The following PKDREJ variants were observed in gnomAD, a reference collection of about 807,000 sequenced individuals.
PKDREJ encodes the protein polycystin family receptor for egg jelly, also known as PKD and REJ homolog.
For missense variants in PKDREJ, 2,507 were observed against 2,807.2 expected, an observed-to-expected ratio of 0.89 and a Z score of 2.42; for synonymous variants, 1,031 against 1,095.5, an observed-to-expected ratio of 0.94 and a Z score of 1.16.
chr22:46,262,761 G>A lies in PKDREJ; in HGVS notation c.562C>T (p.Pro188Ser). 1 of 1,586,494 alleles carries A rather than the reference G, an allele frequency of 6.3e-7. No individual in the cohort carries two copies. Among genetic ancestry groups the A allele is most frequent in the Non-Finnish European group, 8.6e-7 (1 of 1,166,882 alleles). Residue 188 changes from proline to serine, a missense_variant, in exon 1 of 1, where the codon CCC (proline) becomes TCC (serine). By Grantham distance (74) the Pro-to-Ser change is moderately conservative. Coordinates refer to ENST00000253255, the MANE Select transcript of PKDREJ (RefSeq NM_006071.2). The surrounding 1 kb of genome is among the most constrained non-coding windows in gnomAD (Gnocchi z 8.1). ...ACGGCCTGCAACATCACGCGCGCGG[G>A]GCCGTCTGTGGGGCACTCGGTGCGG... ...VARTECPTDG[P>S]ARVMLQAVNS...
Position 46,260,560 on chromosome 22 carries a change from C to G in PKDREJ, c.2763G>C (p.Gln921His). ...TNDLFPWLNDQENTSVEVSGF... is the reference protein window; with the variant it reads ...TNDLFPWLNDHENTSVEVSGF... ...CAGACACCTCCACCGAAGTGTTTTC[C>G]TGATCATTTAACCAAGGAAAGAGGT... is the stretch of plus-strand genomic sequence containing the variant. Residue 921 changes from glutamine to histidine, a missense_variant, in exon 1 of 1, where the codon CAG (glutamine) becomes CAC (histidine). Transcript: ENST00000253255. The surrounding 1 kb of genome is among the most constrained non-coding windows in gnomAD (Gnocchi z 4.5). The G allele has an allele frequency of 6.2e-7, 1 of 1,614,168 alleles. No individual in the cohort carries two copies. Among genetic ancestry groups the G allele is most frequent in the South Asian group, 1.1e-5 (1 of 91,092 alleles).
At position 46,257,732 on chromosome 22, in the gene PKDREJ, T is replaced by C. The variant is rs369372928; in HGVS notation, c.5591A>G (p.Gln1864Arg). The change falls in exon 1 of 1, where the codon CAA (glutamine) becomes CGA (arginine). Residue 1864 changes from glutamine (Q) to arginine (R), a missense_variant. By Grantham distance (43) the Gln-to-Arg change is conservative (BLOSUM62 1). Coordinates refer to ENST00000253255, the MANE Select transcript of PKDREJ (RefSeq NM_006071.2). This position sits in a 1 kb window ranked among gnomAD's most constrained non-coding sequence, Gnocchi z 4.7. ...TAGTCCATAGGAATAATATAGCCAT[T>C]GCGTTCCTTGAGGCTTATAAGTAAA... ...NGFTYKPQGT[Q>R]WLYYSYGLLH... 3.9e-5 allele frequency: 63 copies of C among 1,614,044 alleles called. No homozygotes were observed. The highest frequency in any genetic ancestry group is 4.7e-5 in the Non-Finnish European group (56 of 1,180,000).
Position 46,259,756 on chromosome 22 carries a change from A to C in PKDREJ, c.3567T>G (p.Thr1189=), listed in dbSNP as rs150072664. 2 of 1,614,220 alleles carry C rather than the reference A, an allele frequency of 1.2e-6. No individual in the cohort carries two copies. The highest frequency in any genetic ancestry group is 3.3e-5 in the Admixed American group (2 of 60,030). The stretch of plus-strand genomic sequence containing the variant: ...CGTATAAGAGAATAATGAAAAGCAC[A>C]GTGAAGAGGGTCACGGGGTTTTGGT... ...SLHQNPVTLF[T]VLFIILLYVG... Residue 1189 remains threonine, a synonymous_variant, in exon 1 of 1, where the codon ACT becomes ACG. Transcript: ENST00000253255. The surrounding 1 kb of genome is among the most constrained non-coding windows in gnomAD (Gnocchi z 6.8).
Position 46,261,485 on chromosome 22 carries a change from T to A in PKDREJ, c.1838A>T (p.Lys613Ile). 1 of 1,614,126 alleles carries A rather than the reference T, an allele frequency of 6.2e-7. No homozygotes were observed. The highest frequency in any genetic ancestry group is 8.5e-7 in the Non-Finnish European group (1 of 1,180,010). The change falls in exon 1 of 1, where the codon AAA becomes ATA. Residue 613 changes from lysine to isoleucine, a missense_variant. Physicochemically the swap from Lys to Ile is moderately radical, Grantham distance 102. Transcript: ENST00000253255. This position sits in a 1 kb window ranked among gnomAD's most constrained non-coding sequence, Gnocchi z 7.1. Reference sequence around the variant, plus strand: ...CAGGATGGTCCCCAGGGTGTTCTCTTTTACTGAACTGATTTCACCAACACT... The same window carrying A: ...CAGGATGGTCCCCAGGGTGTTCTCTATTACTGAACTGATTTCACCAACACT... ...LHSVGEISSV[K>I]ENTLGTILYL...
chr22:46,256,646 C>G lies in PKDREJ; in HGVS notation c.6677G>C (p.Gly2226Ala). 2 of 1,614,186 alleles carry G rather than the reference C, an allele frequency of 1.2e-6. No homozygotes were observed. The highest frequency in any genetic ancestry group is 1.7e-6 in the Non-Finnish European group (2 of 1,180,032). ...EPEFFIDMLY[G>A]QPEKNSHRYL... ...ACGGTGGCTGTTCTTCTCTGGCTGC[C>G]CATACAGCATGTCAATAAAGAACTC... Residue 2226 changes from glycine (G) to alanine (A), a missense_variant, in exon 1 of 1, where the codon GGG becomes GCG. By Grantham distance (60) the Gly-to-Ala change is moderately conservative. Transcript: ENST00000253255. The surrounding 1 kb of genome is among the most constrained non-coding windows in gnomAD (Gnocchi z 5.3).
At position 46,258,164 on chromosome 22, in the gene PKDREJ, A is replaced by G; in HGVS notation, c.5159T>C (p.Phe1720Ser). The change falls in exon 1 of 1, where the codon TTT (phenylalanine) becomes TCT (serine). Residue 1720 changes from phenylalanine (F) to serine (S), a missense_variant. By Grantham distance (155) the Phe-to-Ser change is radical (BLOSUM62 -2). Transcript: ENST00000253255. The surrounding 1 kb of genome is among the most constrained non-coding windows in gnomAD (Gnocchi z 6.1). Reference sequence around the variant, plus strand: ...GATAAGGATCAACAGAAGGGCTAGAAAGATAAAGTGAGTTAGAATGTAACT... The same window carrying G: ...GATAAGGATCAACAGAAGGGCTAGAGAGATAAAGTGAGTTAGAATGTAACT... ...FLSYILTHFI[F>S]LALLLILIVL... 1 of 1,614,182 alleles carries G rather than the reference A, an allele frequency of 6.2e-7. No homozygotes were observed. The highest frequency in any genetic ancestry group is 8.5e-7 in the Non-Finnish European group (1 of 1,179,998).
chr22:46,263,330 G>A lies in PKDREJ; in HGVS notation c.-8C>T. The A allele has an allele frequency of 1.4e-6, 2 of 1,387,714 alleles. No individual in the cohort carries two copies. The highest frequency in any genetic ancestry group is 9.3e-7 in the Non-Finnish European group (1 of 1,078,418). The allele number at this position is 1,387,714 out of a possible 1,614,324, so 86.0% of individuals were successfully genotyped here. On this transcript the variant is annotated 5_prime_UTR_variant, in exon 1 of 1. Coordinates refer to ENST00000253255, the MANE Select transcript of PKDREJ (RefSeq NM_006071.2). This position sits in a 1 kb window ranked among gnomAD's most constrained non-coding sequence, Gnocchi z 9.4. ...AGCGGGCCCAGGCCTCATGGCGCCG[G>A]CCCAGGAGAAGCTGGGAGAGGCCGC...
At position 46,261,419 on chromosome 22, in the gene PKDREJ, G is replaced by A; in HGVS notation, c.1904C>T (p.Pro635Leu). 2 of 1,614,110 alleles carry A rather than the reference G, an allele frequency of 1.2e-6. No homozygotes were observed. The highest frequency in any genetic ancestry group is 1.7e-6 in the Non-Finnish European group (2 of 1,180,024). ...PQSTVPPSFL[P>L]VGMLASQYGL... ...ATATTGACTAGCCAACATACCAACA[G>A]GGAGAAAGGAAGGGGGTACTGTGGA... Residue 635 changes from proline (P) to leucine (L), a missense_variant, in exon 1 of 1, where the codon CCT becomes CTT. Physicochemically the swap from Pro to Leu is moderately conservative, Grantham distance 98. Transcript: ENST00000253255. This position sits in a 1 kb window ranked among gnomAD's most constrained non-coding sequence, Gnocchi z 7.1.
chr22:46,262,155 G>C lies in PKDREJ; in HGVS notation c.1168C>G (p.Arg390Gly), dbSNP rs745758322. The C allele has an allele frequency of 6.2e-7, 1 of 1,614,192 alleles. No homozygotes were observed. Among genetic ancestry groups the C allele is most frequent in the South Asian group, 1.1e-5 (1 of 91,080 alleles). The change falls in exon 1 of 1, where the codon CGA (arginine) becomes GGA (glycine). Residue 390 changes from arginine to glycine, a missense_variant. Physicochemically the swap from Arg to Gly is moderately radical, Grantham distance 125. Coordinates refer to ENST00000253255, the MANE Select transcript of PKDREJ (RefSeq NM_006071.2). The surrounding 1 kb of genome is among the most constrained non-coding windows in gnomAD (Gnocchi z 8.1). ...ACTTCCTTGCTCCCCAGGATTATTC[G>C]ATCCCCACCGTAGTTTCTGGGATCT... ...TTDPRNYGGDRIILGSKEVCH... is the reference protein window; with the variant it reads ...TTDPRNYGGDGIILGSKEVCH...
Position 46,260,731 on chromosome 22 carries a change from C to T in PKDREJ, c.2592G>A (p.Lys864=). The T allele has an allele frequency of 6.2e-7, 1 of 1,614,178 alleles. No individual in the cohort carries two copies. Among genetic ancestry groups the T allele is most frequent in the Non-Finnish European group, 8.5e-7 (1 of 1,180,018 alleles). Residue 864 remains lysine (K), a synonymous_variant, in exon 1 of 1, where the codon AAG becomes AAA. Transcript: ENST00000253255. This position sits in a 1 kb window ranked among gnomAD's most constrained non-coding sequence, Gnocchi z 4.5. ...GGTTGATACCCCACTTTTCAACTTT[C>T]TTGACATACATGTTGAAATTGGGGG... ...MRTPNFNMYV[K]KVEKWGINQL... is the part of the protein sequence containing the mutation.
rs1259910330 is a variant in PKDREJ, at chr22:46,257,681, T to C, written c.5642A>G (p.Tyr1881Cys). 9 of 1,614,084 alleles carry C rather than the reference T, an allele frequency of 5.6e-6. No individual in the cohort carries two copies. In the Admixed American group the frequency reaches 1.5e-4, roughly 27 times the overall value. Reference protein sequence around the residue: ...GLLHTYGSGGYALYFFPEQQR... With the variant: ...GLLHTYGSGGCALYFFPEQQR... ...CTGTTCTGGAAAAAAATAGAGTGCA[T>C]ATCCTCCAGATCCATAGGTGTGTAG... The change falls in exon 1 of 1, where the codon TAT becomes TGT. Residue 1881 changes from tyrosine (Y) to cysteine (C), a missense_variant. Coordinates refer to ENST00000253255, the MANE Select transcript of PKDREJ (RefSeq NM_006071.2). The surrounding 1 kb of genome is among the most constrained non-coding windows in gnomAD (Gnocchi z 4.7).
chr22:46,259,406 G>C lies in PKDREJ; in HGVS notation c.3917C>G (p.Ser1306Trp), dbSNP rs137942807. 6 of 1,614,048 alleles carry C rather than the reference G, an allele frequency of 3.7e-6. No homozygotes were observed. The highest frequency in any genetic ancestry group is 5.1e-6 in the Non-Finnish European group (6 of 1,180,040). The change falls in exon 1 of 1, where the codon TCG (serine) becomes TGG (tryptophan). Residue 1306 changes from serine to tryptophan, a missense_variant. Transcript: ENST00000253255. The surrounding 1 kb of genome is among the most constrained non-coding windows in gnomAD (Gnocchi z 6.8). ...IRVWHNNEGR[S>W]PSWYLSRIKV... ...GATTCTACTTAAATACCAGCTAGGC[G>C]ATCGACCCTCGTTGTTGTGCCACAC...
chr22:46,256,290 G>A lies in PKDREJ; in HGVS notation c.*271C>T. 2.2e-6 allele frequency: 1 copy of A among 452,148 alleles called. No homozygotes were observed. The highest frequency in any genetic ancestry group is 3.9e-6 in the Non-Finnish European group (1 of 257,508). 28.0% of individuals were successfully genotyped at this position (452,148 alleles called of 1,614,324 possible). A position where few individuals can be genotyped will look rare whatever the true frequency, so the allele number is the denominator to read the frequency against. On this transcript the variant is annotated 3_prime_UTR_variant, in exon 1 of 1. Transcript: ENST00000253255. The surrounding 1 kb of genome is among the most constrained non-coding windows in gnomAD (Gnocchi z 5.3). The stretch of plus-strand genomic sequence containing the variant: ...AAGAAACAGGGTTGCCCTTGTACGG[G>A]GAGTCACATAACTCCCCTCTAAAGG...
rs1468741183 is a variant in PKDREJ, at chr22:46,259,310, G to T, written c.4013C>A (p.Thr1338Asn). The T allele has an allele frequency of 1.2e-6, 2 of 1,614,092 alleles. No individual in the cohort carries two copies. Among genetic ancestry groups the T allele is most frequent in the Non-Finnish European group, 1.7e-6 (2 of 1,180,048 alleles). Reference sequence around the variant, plus strand: ...GGTAACGTGAAATGTTCTGTCCAAAGTGGTATCAACAGAAAGCCATTTCTG... The same window carrying T: ...GGTAACGTGAAATGTTCTGTCCAAATTGGTATCAACAGAAAGCCATTTCTG... ...ICQKWLSVDT[T>N]LDRTFHVTHP... Residue 1338 changes from threonine (T) to asparagine (N), a missense_variant, in exon 1 of 1, where the codon ACT becomes AAT. Coordinates refer to ENST00000253255, the MANE Select transcript of PKDREJ (RefSeq NM_006071.2). This position sits in a 1 kb window ranked among gnomAD's most constrained non-coding sequence, Gnocchi z 6.8.
At position 46,256,670 on chromosome 22, in the gene PKDREJ, T is replaced by C. The variant is rs759617500; in HGVS notation, c.6653A>G (p.Glu2218Gly). Residue 2218 changes from glutamate to glycine, a missense_variant, in exon 1 of 1, where the codon GAG becomes GGG. Transcript: ENST00000253255. The surrounding 1 kb of genome is among the most constrained non-coding windows in gnomAD (Gnocchi z 5.3). ...TSQSKAKDEP[E>G]FFIDMLYGQP... ...CCCATACAGCATGTCAATAAAGAAC[T>C]CAGGCTCATCTTTGGCCTTAGATTG... is the stretch of plus-strand genomic sequence containing the variant. 1 of 1,614,242 alleles carries C rather than the reference T, an allele frequency of 6.2e-7. No individual in the cohort carries two copies. Among genetic ancestry groups the C allele is most frequent in the Non-Finnish European group, 8.5e-7 (1 of 1,180,048 alleles).
Position 46,260,662 on chromosome 22 carries a change from T to A in PKDREJ, c.2661A>T (p.Pro887=). The part of the protein sequence containing the change: ...NEKHCRNCFY[P]TLNVSSVPGL... The stretch of plus-strand genomic sequence containing the variant: ...CAGGAACACTGCTCACATTGAGTGT[T>A]GGATAAAAACAATTTCTGCAGTGTT... The change falls in exon 1 of 1, where the codon CCA becomes CCT. Residue 887 remains proline (P), a synonymous_variant. Coordinates refer to ENST00000253255, the MANE Select transcript of PKDREJ (RefSeq NM_006071.2). This position sits in a 1 kb window ranked among gnomAD's most constrained non-coding sequence, Gnocchi z 4.5. The A allele has an allele frequency of 2.5e-6, 4 of 1,614,206 alleles. No homozygotes were observed. Among genetic ancestry groups the A allele is most frequent in the Non-Finnish European group, 3.4e-6 (4 of 1,180,018 alleles).
In PKDREJ at chr22:46,263,279, C is replaced by G. The variant is rs1169600593; in HGVS notation, c.44G>C (p.Ser15Thr). ...CAGCGGGAGGCGGCCGACGCTCAGG[C>G]TCAGGCCCACGCCCAGAAGGAGGAG... Reference protein sequence around the residue: ...PALLLLGVGLSLSVGRLPLPP... With the variant: ...PALLLLGVGLTLSVGRLPLPP... The change falls in exon 1 of 1, where the codon AGC (serine) becomes ACC (threonine). Residue 15 changes from serine to threonine, a missense_variant. Transcript: ENST00000253255. This position sits in a 1 kb window ranked among gnomAD's most constrained non-coding sequence, Gnocchi z 9.4. The G allele has an allele frequency of 6.8e-7, 1 of 1,468,430 alleles. No homozygotes were observed. Among genetic ancestry groups the G allele is most frequent in the Admixed American group, 2.5e-5 (1 of 40,346 alleles). 91.0% of individuals were successfully genotyped at this position (1,468,430 alleles called of 1,614,324 possible). A position where few individuals can be genotyped will look rare whatever the true frequency, so the allele number is the denominator to read the frequency against.
chr22:46,256,205 C>A lies in PKDREJ; in HGVS notation c.*356G>T. On this transcript the variant is annotated 3_prime_UTR_variant, in exon 1 of 1. Transcript: ENST00000253255. The surrounding 1 kb of genome is among the most constrained non-coding windows in gnomAD (Gnocchi z 5.3). Reference sequence around the variant, plus strand: ...GACAATGCTCCACCCTGGCCAGGTCCCTCTCTCAAATCTGGTTCTCAAAAC... The same window carrying A: ...GACAATGCTCCACCCTGGCCAGGTCACTCTCTCAAATCTGGTTCTCAAAAC... 4.4e-6 allele frequency: 1 copy of A among 224,774 alleles called. No individual in the cohort carries two copies. The highest frequency in any genetic ancestry group is 8.8e-6 in the Non-Finnish European group (1 of 113,640). The allele number at this position is 224,774 out of a possible 1,614,324, so 13.9% of individuals were successfully genotyped here.
Position 46,260,413 on chromosome 22 carries a change from G to A in PKDREJ, c.2910C>T (p.Pro970=). The A allele has an allele frequency of 6.2e-7, 1 of 1,614,152 alleles. No homozygotes were observed. Among genetic ancestry groups the A allele is most frequent in the Middle Eastern group, 1.6e-4 (1 of 6,062 alleles). The change falls in exon 1 of 1, where the codon CCC becomes CCT. Residue 970 remains proline, a synonymous_variant. Coordinates refer to ENST00000253255, the MANE Select transcript of PKDREJ (RefSeq NM_006071.2). This position sits in a 1 kb window ranked among gnomAD's most constrained non-coding sequence, Gnocchi z 4.5. The stretch of plus-strand genomic sequence containing the variant: ...TCAAGGACCCATCAACCTCGCTGTT[G>A]GGTCCCACTGTGAGATTAAAAGCTG... ...TFAAFNLTVG[P]NSEVDGSLKK... is the part of the protein sequence containing the mutation.
Sources: gnomAD v4.1 joint callset for allele counts on GRCh38, gnomAD v4.1.1 for gene constraint, Gnocchi (gnomAD v3.1) non-coding constraint, MANE v1.5 for transcripts, NCBI Gene and HGNC (gene_info 2026-07-23, HGNC 2026-07-21) for gene names.